Variants in ANK2 observed in about 807,000 individuals in gnomAD.
ANK2 encodes ankyrin-2.
In ANK2, 83 loss-of-function variants were observed where a neutral mutation model predicts 360.5. That is an observed-to-expected ratio of 0.23 (90% CI 0.19 to 0.28). The LOEUF (loss-of-function observed/expected upper bound fraction) is 0.28. ANK2 is among the 10% of genes least tolerant of loss of function. The probability of loss-of-function intolerance (pLI) is 1.00; values close to 1 mark genes in which losing one functional copy is unlikely to be tolerated. For synonymous variants in ANK2, 1,740 were observed against 1,759.5 expected (o/e 0.99, Z 0.28); for missense variants, 4,201 against 4,795.7 (o/e 0.88, Z 3.66).
At chr4:113,189,735 A>G (rs1410897595) in intron 2 of ANK2, among the ~76,000 whole-genome samples, 2 of 151,968 alleles carry the variant, frequency 1.3e-5, no homozygotes, top group African/African-American at 4.8e-5. Context: ...TTTCTTCTCA[A>G]TTCCGATGTC....
chr4:112,959,890 G>A lies in ANK2; in HGVS notation c.21+55376G>A, dbSNP rs117719778. On this transcript the variant is annotated intron_variant, in intron 2 of 30. Coordinates refer to the ANK2 transcript ENST00000503271. ...AAACTCCCTTCTTGAAATCTGCCTC[G>A]GAACTGTCCACAATGACAAAACGCT... Among the ~76,000 whole-genome samples, 138 of 152,094 alleles carry A rather than the reference G, an allele frequency of 9.1e-4. 3 individuals carry two copies. In the East Asian group the frequency reaches 0.025, roughly 27 times the overall value.
intron 1 of ANK2, among the ~76,000 whole-genome samples, chr4:113,068,661 G>C (rs2154338916): frequency 6.6e-6 from 1 of 152,196 alleles, no homozygotes; most frequent in South Asian, 2.1e-4. Context: ...AAATGACATG[G>C]CTAAGAGTCA....
chr4:112,827,736 A>G, intron 1 of ANK2: 1 of 493,586 alleles, frequency 2.0e-6, no homozygotes, highest in Non-Finnish European at 3.6e-6. Flanking sequence ...CAAATGGAAA[A>G]ACATTTCATG....
intron 1 of ANK2, among the ~76,000 whole-genome samples, chr4:113,147,865 G>A (rs1224633299): frequency 1.3e-5 from 2 of 152,256 alleles, no homozygotes; most frequent in Non-Finnish European, 2.9e-5. Flanking sequence ...ACAGGACAGA[G>A]TGAAGAACAA....
chr4:112,782,620 A>G, the ANK2 span, among the ~76,000 whole-genome samples: 10 of 152,010 alleles, frequency 6.6e-5, no homozygotes, highest in Non-Finnish European at 1.2e-4. Flanking sequence ...TAATTGCAGC[A>G]CTTTGGGAGG....
At chr4:112,774,216 T>G in the ANK2 span, among the ~76,000 whole-genome samples, 4 of 151,986 alleles carry the variant, frequency 2.6e-5, no homozygotes, top group African/African-American at 9.7e-5. Context: ...CTTCTATCCA[T>G]GTATTGTAAG....
At chr4:113,007,162 A>T (rs1012798238) in intron 2 of ANK2, among the ~76,000 whole-genome samples, 1 of 152,212 alleles carries the variant, frequency 6.6e-6, no homozygotes, top group African/African-American at 2.4e-5. Context: ...ATTTTAACTT[A>T]TAATAAAAAT....
At chr4:112,757,410 G>A in the ANK2 span, among the ~76,000 whole-genome samples, 1 of 151,978 alleles carries the variant, frequency 6.6e-6, no homozygotes, top group African/African-American at 2.4e-5. Context: ...CACTGTGTCC[G>A]GCTGACAGCA....
chr4:113,022,112 A>G (rs1483788980), intron 2 of ANK2, among the ~76,000 whole-genome samples: 1 of 152,108 alleles, frequency 6.6e-6, no homozygotes, highest in Admixed American at 6.5e-5. Flanking sequence ...AGAGAGACAG[A>G]CCCTACCTGG....
At chr4:113,327,851 G>A (rs983572399) in intron 26 of ANK2, among the ~76,000 whole-genome samples, 1 of 152,142 alleles carries the variant, frequency 6.6e-6, no homozygotes, top group East Asian at 1.9e-4. Flanking sequence ...AACAAATGTT[G>A]CATTGAAAGG....
At chr4:113,005,230 C>A (rs892225687) in intron 2 of ANK2, among the ~76,000 whole-genome samples, 1 of 151,440 alleles carries the variant, frequency 6.6e-6, no homozygotes, top group African/African-American at 2.4e-5. Flanking sequence ...AGCAATTCCA[C>A]CATTAGGTAT....
At chr4:112,758,099 A>G in the ANK2 span, among the ~76,000 whole-genome samples, 2 of 151,214 alleles carry the variant, frequency 1.3e-5, no homozygotes, top group Non-Finnish European at 2.9e-5. Flanking sequence ...TAATAGAGCC[A>G]GGGTTTTTCC....
At chr4:113,139,822 G>T (rs79788652) in intron 1 of ANK2, among the ~76,000 whole-genome samples, 23,512 of 152,160 alleles carry the variant, frequency 0.15, 2,841 homozygotes, top group East Asian at 0.51. Context: ...GAAGTCAAGA[G>T]GCAGCAGTGT....
the ANK2 span, among the ~76,000 whole-genome samples, chr4:112,743,872 C>T: frequency 4.0e-5 from 6 of 150,060 alleles, no homozygotes. Flanking sequence ...TTTTCTCCAC[C>T]CAGGCTGTAC....
chr4:113,098,581 G>T (rs538465918), intron 1 of ANK2, among the ~76,000 whole-genome samples: 1 of 151,972 alleles, frequency 6.6e-6, no homozygotes, highest in Admixed American at 6.5e-5. Context: ...AGGCTCAAAT[G>T]GTTTCACTGA....
chr4:113,033,252 G>A (rs779177181), intron 2 of ANK2, among the ~76,000 whole-genome samples: 20 of 151,988 alleles, frequency 1.3e-4, no homozygotes, highest in Non-Finnish European at 2.4e-4. Flanking sequence ...AACCTCAGAA[G>A]TCTTAACTAT....
At chr4:112,871,499 T>G (rs1483589866) in intron 1 of ANK2, among the ~76,000 whole-genome samples, 1 of 152,190 alleles carries the variant, frequency 6.6e-6, no homozygotes, top group Non-Finnish European at 1.5e-5. Flanking sequence ...AGTTTTTATT[T>G]TTTAAAGTTG....
At chr4:113,242,282 AC>A in intron 9 of ANK2, 73 bp downstream of exon 9, 1 of 1,279,522 alleles carries the variant, frequency 7.8e-7, no homozygotes, top group Non-Finnish European at 1.1e-6. Flanking sequence ...ACCTCAAGAC[AC>A]CAGGTCATTA....
chr4:112,879,103 G>GAACAA (rs369264233), intron 1 of ANK2, among the ~76,000 whole-genome samples: 1,733 of 152,148 alleles, frequency 0.011, 25 homozygotes, highest in African/African-American at 0.03. Context: ...CATGTAAGAT[G>GAACAA]AACAAAACAA....
Sources: allele counts gnomAD v4.1 joint callset (sites outside exome capture counted in the v4.1 genomes callset), GRCh38; gene constraint gnomAD v4.1.1; transcripts MANE v1.5; gene names NCBI Gene and HGNC (gene_info 2026-07-23, HGNC 2026-07-21).